Variants in PCDHGA2 observed in about 807,000 individuals in gnomAD.
The protein encoded by PCDHGA2 is protocadherin gamma subfamily A, 2.
A neutral mutation model predicts 59.2 loss-of-function variants in PCDHGA2; 40 were observed. The observed-to-expected ratio is 0.68, with a 90% CI of 0.52 to 0.88. The LOEUF is 0.88. Among genes scored for constraint, PCDHGA2 ranks in the 40% least tolerant of loss-of-function variants. PCDHGA2 has a pLI of 0.00. For missense variants in PCDHGA2, 1,226 were observed against 1,204.0 expected (o/e 1.02, Z -0.27); for synonymous variants, 560 against 526.0 (o/e 1.06, Z -0.89).
At chr5:141,394,348 G>C (rs1376364642) in intron 1 of PCDHGA2, 2 of 1,614,050 alleles carry the variant, frequency 1.2e-6, no homozygotes, top group Non-Finnish European at 1.7e-6. Flanking sequence ...TCTGACACCG[G>C]TGTCCTGTAT....
chr5:141,422,151 G>A (rs763343536), intron 1 of PCDHGA2: 1 of 1,575,938 alleles, frequency 6.3e-7, no homozygotes, highest in Admixed American at 2.0e-5. Flanking sequence ...GGGGGTCTCT[G>A]GATTTTGAAA....
intron 1 of PCDHGA2, chr5:141,478,153 T>G (rs1477175391): frequency 3.1e-6 from 5 of 1,613,934 alleles, no homozygotes; most frequent in Middle Eastern, 1.6e-4. Flanking sequence ...AGTTCCCCTC[T>G]GGCTCTGCCC....
rs766133958 is a variant in PCDHGA2, at chr5:141,403,000, A to G, written c.2424+61605A>G. 27 of 1,613,862 alleles carry G rather than the reference A, an allele frequency of 1.7e-5. No individual in the cohort carries two copies. Among genetic ancestry groups the G allele is most frequent in the Middle Eastern group, 1.6e-4 (1 of 6,082 alleles). ...AGCTCCGCGGAAGATTAGTCCTGCT[A>G]TGCTCGCTCCTGGGGATGCTATGGG... On this transcript the variant is annotated intron_variant, in intron 1 of 3. Transcript: ENST00000394576.
intron 1 of PCDHGA2, chr5:141,355,285 G>A: frequency 2.5e-6 from 4 of 1,613,814 alleles, no homozygotes; most frequent in Non-Finnish European, 3.4e-6. Context: ...AATCAGGGCC[G>A]AACAGATTCT....
intron 1 of PCDHGA2, chr5:141,345,644 C>G (rs1757613980): frequency 1.2e-6 from 2 of 1,614,206 alleles, no homozygotes; most frequent in Non-Finnish European, 1.7e-6. Context: ...CCAGCGACAG[C>G]GGGAACCCTC....
intron 1 of PCDHGA2, chr5:141,392,765 C>T (rs952463522): frequency 2.7e-6 from 4 of 1,482,974 alleles, no homozygotes; most frequent in Admixed American, 5.1e-5. Flanking sequence ...TAAATAAGAC[C>T]CATTTATGCA....
chr5:141,388,676 G>C, intron 1 of PCDHGA2: 1 of 1,613,946 alleles, frequency 6.2e-7, no homozygotes, highest in Non-Finnish European at 8.5e-7. Context: ...TGCTACAGGT[G>C]ACTGCCACGG....
intron 1 of PCDHGA2, among the ~76,000 whole-genome samples, chr5:141,492,670 C>T (rs567661944): frequency 6.6e-6 from 1 of 152,344 alleles, no homozygotes; most frequent in South Asian, 2.1e-4. Context: ...CCCGGGACTC[C>T]GTCTCAAGGG....
In PCDHGA2 at chr5:141,435,253, G is replaced by A. The variant is rs2097754974; in HGVS notation, c.2425-59554G>A. Among the ~76,000 whole-genome samples the A allele has an allele frequency of 1.3e-5, 2 of 152,064 alleles. 1 individual carries two copies. The highest frequency in any genetic ancestry group is 3.9e-4 in the East Asian group (2 of 5,184). On this transcript the variant is annotated intron_variant, in intron 1 of 3. Transcript: ENST00000394576. ...TTCAGTAATTCTTTCTGGCCATTAG[G>A]GATATGTCCATTTATACTTTCTCAG...
intron 1 of PCDHGA2, chr5:141,415,739 GGTTTTTTTTT>G: frequency 6.9e-6 from 3 of 434,948 alleles, no homozygotes; most frequent in Middle Eastern, 6.4e-4. Context: ...TGTTTATTAA[GGTTTTTTTTT>G]TTTTTTTTTT....
rs1031996605 is a variant in PCDHGA2, at chr5:141,487,055, G to C, written c.2425-7752G>C. ...TGCAGTCTCTCGATATGCTGGGGAG[G>C]TGCGGACGGCTGTTCCTATCCCAGC... is the stretch of plus-strand genomic sequence containing the variant. On this transcript the variant is annotated intron_variant, in intron 1 of 3. Transcript: ENST00000394576. The surrounding 1 kb of genome is among the most constrained non-coding windows in gnomAD (Gnocchi z 5.0). The C allele has an allele frequency of 6.2e-7, 1 of 1,614,186 alleles. No individual in the cohort carries two copies. The highest frequency in any genetic ancestry group is 8.5e-7 in the Non-Finnish European group (1 of 1,180,038).
chr5:141,359,612 G>A (rs989311707), intron 1 of PCDHGA2, among the ~76,000 whole-genome samples: 1 of 151,696 alleles, frequency 6.6e-6, no homozygotes, highest in Admixed American at 6.6e-5. Context: ...TGCAGAATAT[G>A]GTATGTTGTA....
At chr5:141,396,406 G>A (rs1245754617) in intron 1 of PCDHGA2, 2 of 152,190 alleles carry the variant, frequency 1.3e-5, no homozygotes, top group African/African-American at 4.8e-5. Context: ...ATCACCTGAG[G>A]TCAGGAGTTC....
intron 1 of PCDHGA2, chr5:141,344,911 A>G: frequency 1.9e-6 from 3 of 1,613,922 alleles, no homozygotes; most frequent in East Asian, 2.2e-5. Context: ...GAGATTTTCC[A>G]TCTTAACTCA....
At chr5:141,508,244 C>A (rs1278674173) in intron 3 of PCDHGA2, 1 of 152,314 alleles carries the variant, frequency 6.6e-6, no homozygotes, top group Non-Finnish European at 1.5e-5. Context: ...CTAAGTCTGC[C>A]TCTCCTGGGA....
Position 141,490,536 on chromosome 5 carries a change from T to C in PCDHGA2, c.2425-4271T>C. ...TGCTGGCCAGCGATGCTGGTTCACCTTCCCTACACAAACATCTCACCATCA... is the reference window on the plus strand; with the variant it reads ...TGCTGGCCAGCGATGCTGGTTCACCCTCCCTACACAAACATCTCACCATCA... On this transcript the variant is annotated intron_variant, in intron 1 of 3. Transcript: ENST00000394576. The surrounding 1 kb of genome is among the most constrained non-coding windows in gnomAD (Gnocchi z 5.4). The C allele has an allele frequency of 1.9e-6, 3 of 1,614,150 alleles. No individual in the cohort carries two copies. The highest frequency in any genetic ancestry group is 2.5e-6 in the Non-Finnish European group (3 of 1,180,010).
chr5:141,372,307 C>T, intron 1 of PCDHGA2: 3 of 1,613,452 alleles, frequency 1.9e-6, no homozygotes, highest in Non-Finnish European at 2.5e-6. Context: ...AGGGAGGCCG[C>T]CCGCCAGCGC....
At chr5:141,398,644 T>C (rs772408476) in intron 1 of PCDHGA2, 7 of 1,613,908 alleles carry the variant, frequency 4.3e-6, no homozygotes, top group Non-Finnish European at 5.9e-6. Context: ...GTATAAACTC[T>C]CTCTTAACCC....
Position 141,339,447 on chromosome 5 carries a change from A to T in PCDHGA2, c.476A>T (p.Asp159Val), listed in dbSNP as rs1309099360. The change falls in exon 1 of 4, where the codon GAT (aspartate) becomes GTT (valine). Residue 159 changes from aspartate (D) to valine (V), a missense_variant. Physicochemically the swap from Asp to Val is radical, Grantham distance 152 (BLOSUM62 -3). Transcript: ENST00000394576. ...CGGATTCCTCTTAAGAATGCGCATG[A>T]TGCAGACGTAGGTGAGAACGCCCTT... ...GFRIPLKNAHDADVGENALQK... is the reference protein window; with the variant it reads ...GFRIPLKNAHVADVGENALQK... 1.2e-6 allele frequency: 2 copies of T among 1,614,242 alleles called. No homozygotes were observed. The highest frequency in any genetic ancestry group is 1.3e-5 in the African/African-American group (1 of 75,064).
Sources: gnomAD v4.1 joint callset for allele counts (sites outside exome capture counted in the v4.1 genomes callset) on GRCh38, gnomAD v4.1.1 for gene constraint, Gnocchi (gnomAD v3.1) non-coding constraint, MANE v1.5 for transcripts, NCBI Gene and HGNC (gene_info 2026-07-23, HGNC 2026-07-21) for gene names.